Variants in GRIN3A observed in about 807,000 individuals in gnomAD.
GRIN3A encodes the protein glutamate ionotropic receptor NMDA type subunit 3A.
Under a neutral mutation model 92.4 loss-of-function variants are expected in GRIN3A, and 47 were observed. That is an observed-to-expected ratio of 0.51 (90% confidence interval 0.40 to 0.65). The LOEUF is 0.65. Among genes scored for constraint, GRIN3A ranks in the 30% least tolerant of loss-of-function variants. The pLI, the probability that GRIN3A is intolerant of heterozygous loss-of-function variation, is 0.00. For missense variants in GRIN3A, 1,324 were observed against 1,393.1 expected (o/e 0.95, Z 0.79); for synonymous variants, 527 against 540.6 (o/e 0.97, Z 0.35).
Position 101,695,181 on chromosome 9 carries a change from A to G in GRIN3A, c.700-7981T>C, listed in dbSNP as rs557763394. ...GATGGTGACCATGTTGAGATTAGGAAGTTTACACTAAGAGACCTGATGTGC... is the reference window on the plus strand; with the variant it reads ...GATGGTGACCATGTTGAGATTAGGAGGTTTACACTAAGAGACCTGATGTGC... On this transcript the variant is annotated intron_variant, in intron 1 of 8. Coordinates refer to ENST00000361820, the MANE Select transcript of GRIN3A (RefSeq NM_133445.3). Among the ~76,000 whole-genome samples the G allele has an allele frequency of 7.9e-5, 12 of 152,318 alleles. No individual in the cohort carries two copies. In the South Asian group the frequency reaches 2.1e-3, roughly 26 times the overall value.
chr9:101,596,003 C>A (rs754779693), intron 6 of GRIN3A, among the ~76,000 whole-genome samples: 1 of 152,120 alleles, frequency 6.6e-6, no homozygotes, highest in South Asian at 2.1e-4. Flanking sequence ...CCTTTCGGAG[C>A]GCATCAATTA....
At chr9:101,663,220 C>G (rs992273893) in intron 3 of GRIN3A, among the ~76,000 whole-genome samples, 16 of 151,978 alleles carry the variant, frequency 1.1e-4, no homozygotes, top group African/African-American at 3.6e-4. Flanking sequence ...CCTTCTTTCC[C>G]CATTCAGATC....
At chr9:101,731,145 T>A (rs180778991) in intron 1 of GRIN3A, among the ~76,000 whole-genome samples, 3 of 152,316 alleles carry the variant, frequency 2.0e-5, no homozygotes, top group Admixed American at 2.0e-4. Context: ...ATGCTTTTAA[T>A]AGTCCAACCT....
intron 1 of GRIN3A, among the ~76,000 whole-genome samples, chr9:101,736,870 C>T (rs1588303827): frequency 6.6e-6 from 1 of 152,114 alleles, no homozygotes; most frequent in Non-Finnish European, 1.5e-5. Context: ...GAGTGTGACA[C>T]CTAGCCAGGA....
chr9:101,689,593 T>C (rs1474454241), intron 1 of GRIN3A, among the ~76,000 whole-genome samples: 6 of 152,156 alleles, frequency 3.9e-5, no homozygotes, highest in Admixed American at 3.9e-4. Context: ...TTGAGACATA[T>C]TTCTTCAGAA....
chr9:101,635,078 T>C lies in GRIN3A; in HGVS notation c.2353-6677A>G, dbSNP rs143423317. Reference sequence around the variant, plus strand: ...TCTTCCACAGAAGCTGCTTCCTCCATTTAAATTTAAGCAGTTTGCTGCCTC... The same window carrying C: ...TCTTCCACAGAAGCTGCTTCCTCCACTTAAATTTAAGCAGTTTGCTGCCTC... On this transcript the variant is annotated intron_variant, in intron 3 of 8. Coordinates refer to ENST00000361820, the MANE Select transcript of GRIN3A (RefSeq NM_133445.3). Among the ~76,000 whole-genome samples, 113 of 152,366 alleles carry C rather than the reference T, an allele frequency of 7.4e-4. No individual in the cohort carries two copies. The East Asian group carries it at 0.015, about 20-fold the overall frequency.
intron 3 of GRIN3A, among the ~76,000 whole-genome samples, chr9:101,649,826 T>C (rs1828988388): frequency 6.6e-6 from 1 of 152,078 alleles, no homozygotes; most frequent in Admixed American, 6.6e-5. Context: ...ATGTCTTTTA[T>C]TGACTGCAGT....
chr9:101,669,456 C>T (rs1829286710), intron 3 of GRIN3A, among the ~76,000 whole-genome samples: 1 of 152,070 alleles, frequency 6.6e-6, no homozygotes, highest in Non-Finnish European at 1.5e-5. Flanking sequence ...GGCACTCTCC[C>T]TTCTATGCAA....
chr9:101,707,518 C>T (rs975425159), intron 1 of GRIN3A, among the ~76,000 whole-genome samples: 1 of 152,116 alleles, frequency 6.6e-6, no homozygotes, highest in Non-Finnish European at 1.5e-5. Context: ...TCCAGATTGG[C>T]AGCTTCTGAG....
At position 101,670,361 on chromosome 9, in the gene GRIN3A, G is replaced by C. The variant is rs766781569; in HGVS notation, c.2051C>G (p.Ala684Gly). Residue 684 changes from alanine to glycine, a missense_variant, in exon 3 of 9, where the codon GCT becomes GGT. By Grantham distance (60) the Ala-to-Gly change is moderately conservative. Transcript: ENST00000361820. ...HWTMWLGIFV[A>G]LHITAVFLTL... ...GAGGAAGACGGCAGTGATGTGCAGAGCCACAAAAATCCCCAGCCACATTGT... is the reference window on the plus strand; with the variant it reads ...GAGGAAGACGGCAGTGATGTGCAGACCCACAAAAATCCCCAGCCACATTGT... 6.2e-7 allele frequency: 1 copy of C among 1,614,040 alleles called. No homozygotes were observed. The highest frequency in any genetic ancestry group is 8.5e-7 in the Non-Finnish European group (1 of 1,179,980).
chr9:101,643,295 A>G (rs1828890637), intron 3 of GRIN3A, among the ~76,000 whole-genome samples: 1 of 152,212 alleles, frequency 6.6e-6, no homozygotes, highest in Non-Finnish European at 1.5e-5. Flanking sequence ...AAGTATATGA[A>G]GAAGTGCTCA....
At chr9:101,638,322 G>A (rs1828810734) in intron 3 of GRIN3A, among the ~76,000 whole-genome samples, 1 of 152,134 alleles carries the variant, frequency 6.6e-6, no homozygotes, top group South Asian at 2.1e-4. Context: ...CTATCTCTTT[G>A]TTTCTTTTCT....
At chr9:101,724,137 C>A (rs1244033023) in intron 1 of GRIN3A, among the ~76,000 whole-genome samples, 9 of 152,068 alleles carry the variant, frequency 5.9e-5, no homozygotes, top group Non-Finnish European at 1.0e-4. Flanking sequence ...CTTGGGTGGT[C>A]GATGGGACTG....
At chr9:101,724,321 G>A (rs1453895678) in intron 1 of GRIN3A, among the ~76,000 whole-genome samples, 1 of 152,168 alleles carries the variant, frequency 6.6e-6, no homozygotes, top group African/African-American at 2.4e-5. Context: ...TGGCACTGCT[G>A]GGGGACCCAG....
intron 4 of GRIN3A, among the ~76,000 whole-genome samples, chr9:101,627,567 A>G (rs973997688): frequency 2.0e-5 from 3 of 151,864 alleles, no homozygotes; most frequent in Admixed American, 6.6e-5. Context: ...GGAGAGGACT[A>G]CTCACCCTCA....
chr9:101,660,236 G>A (rs1242142414), intron 3 of GRIN3A, among the ~76,000 whole-genome samples: 1 of 151,550 alleles, frequency 6.6e-6, no homozygotes, highest in Admixed American at 6.6e-5. Context: ...GTTCCACTAT[G>A]GGCATCATGG....
chr9:101,723,347 G>A (rs10989604), intron 1 of GRIN3A, among the ~76,000 whole-genome samples: 26,653 of 151,766 alleles, frequency 0.18, 2,725 homozygotes, highest in South Asian at 0.3. Flanking sequence ...TTAAGGCAGC[G>A]CGTCTGGAGT....
intron 3 of GRIN3A, among the ~76,000 whole-genome samples, chr9:101,629,734 C>T (rs1457694683): frequency 6.6e-6 from 1 of 152,188 alleles, no homozygotes; most frequent in African/African-American, 2.4e-5. Context: ...GCTTTACATA[C>T]ATTATCGTGC....
At chr9:101,589,890 T>C (rs1827999764) in intron 6 of GRIN3A, among the ~76,000 whole-genome samples, 1 of 152,230 alleles carries the variant, frequency 6.6e-6, no homozygotes, top group African/African-American at 2.4e-5. Flanking sequence ...ACTATGTTAA[T>C]TTTTCTTCAC....
Sources: gnomAD v4.1 joint callset for allele counts (sites outside exome capture counted in the v4.1 genomes callset) on GRCh38, gnomAD v4.1.1 for gene constraint, MANE v1.5 for transcripts, NCBI Gene and HGNC (gene_info 2026-07-23, HGNC 2026-07-21) for gene names.